STX10: variants seen among roughly 807,000 people sequenced by gnomAD.
The protein encoded by STX10 is syntaxin 10.
A neutral mutation model predicts 34.1 loss-of-function variants in STX10; 35 were observed. The ratio of observed to expected loss-of-function variants is 1.03; its 90% CI spans 0.78 to 1.36. STX10 has a LOEUF of 1.36. Ranked by LOEUF, STX10 falls within the 40% of genes most tolerant of loss-of-function variation. STX10 has a pLI of 0.00. For missense variants in STX10, 361 were observed against 335.5 expected (o/e 1.08, Z -0.59); for synonymous variants, 155 against 132.9 (o/e 1.17, Z -1.15).
chr19:13,149,665 A>C (rs2020005630), intron 2 of STX10, 63 bp downstream of exon 2: 1 of 1,607,686 alleles, frequency 6.2e-7, no homozygotes. Context: ...GCCCTACCCG[A>C]AGGTGGGCTG....
chr19:13,144,629 G>T lies in STX10; in HGVS notation c.621C>A (p.Ser207=). 6.2e-7 allele frequency: 1 copy of T among 1,614,146 alleles called. No homozygotes were observed. The highest frequency in any genetic ancestry group is 1.1e-5 in the South Asian group (1 of 91,080). ...ACTTCCTGAGGACCCCGTCCATGCG[G>T]GACTGGGTGTGGTCCATCTCTTGGG... ...AFAQEMDHTQ[S]RMDGVLRKLA... Residue 207 remains serine, a synonymous_variant, in exon 7 of 8, where the codon TCC becomes TCA. Coordinates refer to ENST00000587230, the MANE Select transcript of STX10 (RefSeq NM_003765.3).
rs1287026332 is a variant in STX10, at chr19:13,150,242, C to T, written c.-69G>A. On this transcript the variant is annotated 5_prime_UTR_variant, in exon 1 of 8. Coordinates refer to ENST00000587230, the MANE Select transcript of STX10 (RefSeq NM_003765.3). The surrounding 1 kb of genome is among the most constrained non-coding windows in gnomAD (Gnocchi z 4.0). ...GTTCGCGGGCTGGTTCCCTCCCAAC[C>T]GAGGAGAACGCGCCGCCACCCCCGC... 2 of 686,404 alleles carry T rather than the reference C, an allele frequency of 2.9e-6. No individual in the cohort carries two copies. Among genetic ancestry groups the T allele is most frequent in the African/African-American group, 3.7e-5 (2 of 54,572 alleles). The allele number at this position is 686,404 out of a possible 1,614,324, so 42.5% of individuals were successfully genotyped here.
At chr19:13,147,487 C>T (rs113841181) in intron 4 of STX10, among the ~76,000 whole-genome samples, 103 of 151,520 alleles carry the variant, frequency 6.8e-4, no homozygotes, top group Non-Finnish European at 1.1e-3. Context: ...GGAAGCTGGC[C>T]GGGCGCGGTG....
intron 4 of STX10, among the ~76,000 whole-genome samples, chr19:13,147,081 C>CACAT (rs2019916559): frequency 8.9e-6 from 1 of 112,098 alleles, no homozygotes; most frequent in Non-Finnish European, 1.6e-5. Flanking sequence ...AACACAGAAA[C>CACAT]ACACACACAC....
In STX10 at chr19:13,144,490, G is replaced by C. The variant is rs1359051095; in HGVS notation, c.674-4C>G. The C allele has an allele frequency of 6.2e-7, 1 of 1,613,658 alleles. No individual in the cohort carries two copies. Among genetic ancestry groups the C allele is most frequent in the Non-Finnish European group, 8.5e-7 (1 of 1,179,892 alleles). ...ATGGCACACCACTGTCGGCGGTCTG[G>C]GAACGAGAAGGTCAGGGGTCACGGG... is the stretch of plus-strand genomic sequence containing the variant. On this transcript the variant is annotated splice_polypyrimidine_tract_variant and splice_region_variant and intron_variant, in intron 7 of 7. Transcript: ENST00000587230.
rs926053847 is a variant in STX10 at position 13,144,598 on chromosome 19, T to A, written c.652A>T (p.Lys218Ter). The stretch of plus-strand genomic sequence containing the variant: ...TCACCACTCGTCATGTGGGATACTT[T>A]GGCCAACTTCCTGAGGACCCCGTCC... ...RMDGVLRKLAKVSHMTSDRRQ... is the reference protein window; with the variant it reads ...RMDGVLRKLA The change falls in exon 7 of 8, where the codon AAA becomes TAA. Residue 218 changes from lysine (K) to a stop codon, truncating the protein, a stop_gained. Coordinates refer to ENST00000587230, the MANE Select transcript of STX10 (RefSeq NM_003765.3). LOFTEE classifies it low-confidence loss of function (END_TRUNC). 4 of 1,614,138 alleles carry A rather than the reference T, an allele frequency of 2.5e-6. No individual in the cohort carries two copies. Among genetic ancestry groups the A allele is most frequent in the Non-Finnish European group, 2.5e-6 (3 of 1,180,018 alleles).
At chr19:13,145,468 G>T in intron 4 of STX10, 73 bp from the exon 5 acceptor site, 2 of 1,309,292 alleles carry the variant, frequency 1.5e-6, no homozygotes, top group Non-Finnish European at 2.1e-6. Context: ...AAATCCCCAC[G>T]GTGGTAAGTC....
At chr19:13,148,149 A>C (rs1261199189) in intron 4 of STX10, among the ~76,000 whole-genome samples, 1 of 151,356 alleles carries the variant, frequency 6.6e-6, no homozygotes, top group Admixed American at 6.6e-5. Context: ...TGAGGCAGGC[A>C]GATCAGTTGA....
In STX10 at chr19:13,144,261, G is replaced by C; in HGVS notation, c.*149C>G. On this transcript the variant is annotated 3_prime_UTR_variant, in exon 8 of 8. Coordinates refer to ENST00000587230, the MANE Select transcript of STX10 (RefSeq NM_003765.3). ...TCCTGAAGGGTCCCACTGGCTCTAG[G>C]GGAGAGCCATGGGGACAGCTCCCCA... 2 of 1,084,796 alleles carry C rather than the reference G, an allele frequency of 1.8e-6. No homozygotes were observed. Among genetic ancestry groups the C allele is most frequent in the African/African-American group, 1.6e-5 (1 of 63,006 alleles). The allele number at this position is 1,084,796 out of a possible 1,614,324, so 67.2% of individuals were successfully genotyped here.
In STX10 at chr19:13,145,319, C is replaced by T. The variant is rs749210449; in HGVS notation, c.440G>A (p.Arg147His). 1.4e-5 allele frequency: 22 copies of T among 1,611,612 alleles called. No individual in the cohort carries two copies. Among genetic ancestry groups the T allele is most frequent in the Non-Finnish European group, 1.6e-5 (19 of 1,180,002 alleles). ...LDASAVSATS[R>H]YIEEQQATQQ... is the part of the protein sequence containing the mutation. ...TGTGGCCTGCTGCTCCTCGATGTAG[C>T]GAGATGTGGCCGAGACTGCGCTGGC... The change falls in exon 5 of 8, where the codon CGC becomes CAC. Residue 147 changes from arginine to histidine, a missense_variant. Coordinates refer to ENST00000587230, the MANE Select transcript of STX10 (RefSeq NM_003765.3).
At chr19:13,148,503 C>CA (rs35867694) in intron 4 of STX10, among the ~76,000 whole-genome samples, 6,460 of 75,236 alleles carry the variant, frequency 0.086, 236 homozygotes, top group South Asian at 0.1. Flanking sequence ...AACTCCATCT[C>CA]AAAAAAAAAA....
At position 13,150,204 on chromosome 19, in the gene STX10, C is replaced by G. The variant is rs370766070; in HGVS notation, c.-31G>C. The stretch of plus-strand genomic sequence containing the variant: ...TCCCTTCCCCCCCAGGCCGAACCCC[C>G]CTCCCGGCCTGGGTTCGCGGGCTGG... On this transcript the variant is annotated 5_prime_UTR_variant, in exon 1 of 8. Coordinates refer to ENST00000587230, the MANE Select transcript of STX10 (RefSeq NM_003765.3). This position sits in a 1 kb window ranked among gnomAD's most constrained non-coding sequence, Gnocchi z 4.0. The G allele has an allele frequency of 1.4e-5, 12 of 885,878 alleles. No homozygotes were observed. Among genetic ancestry groups the G allele is most frequent in the African/African-American group, 1.2e-4 (7 of 59,688 alleles). The allele number at this position is 885,878 out of a possible 1,614,324, so 54.9% of individuals were successfully genotyped here.
rs1388619327 is a variant in STX10, at chr19:13,149,814, C to A, written c.119G>T (p.Arg40Leu). 6.2e-7 allele frequency: 1 copy of A among 1,613,776 alleles called. No individual in the cohort carries two copies. ...ELLQESAAVG[R>L]EELDWTTNEL... is the part of the protein sequence containing the mutation. ...ATTGGTCGTCCAGTCCAGCTCCTCG[C>A]GTCCGACCGCCGCGCTTTCCTGCAG... is the stretch of plus-strand genomic sequence containing the variant. Residue 40 changes from arginine to leucine, a missense_variant, in exon 2 of 8, where the codon CGC becomes CTC. By Grantham distance (102) the Arg-to-Leu change is moderately radical. Transcript: ENST00000587230.
chr19:13,149,516 T>A lies in STX10; in HGVS notation c.283A>T (p.Met95Leu). ...LQERKVFVER[M>L]REAVQEMKDH... is the part of the protein sequence containing the mutation. The stretch of plus-strand genomic sequence containing the variant: ...TTCCTGACCTGGACTGCCTCTCGCA[T>A]CCGCTCCACGAACACCTTTCTCTCC... The change falls in exon 3 of 8, where the codon ATG becomes TTG. Residue 95 changes from methionine to leucine, a missense_variant. Coordinates refer to ENST00000587230, the MANE Select transcript of STX10 (RefSeq NM_003765.3). 1 of 1,610,916 alleles carries A rather than the reference T, an allele frequency of 6.2e-7. No homozygotes were observed. The highest frequency in any genetic ancestry group is 8.5e-7 in the Non-Finnish European group (1 of 1,178,374).
At chr19:13,146,025 C>CA (rs71168666) in intron 4 of STX10, among the ~76,000 whole-genome samples, 5,649 of 75,738 alleles carry the variant, frequency 0.075, 203 homozygotes, top group South Asian at 0.096. Flanking sequence ...GACCTTCTCT[C>CA]AAAAAAAAAA....
At position 13,144,238 on chromosome 19, in the gene STX10, C is replaced by A; in HGVS notation, c.*172G>T. On this transcript the variant is annotated 3_prime_UTR_variant, in exon 8 of 8. Transcript: ENST00000587230. ...GTGGTGGTGGTTCCAGCCCAGGGTC[C>A]TGAAGGGTCCCACTGGCTCTAGGGG... 2.2e-6 allele frequency: 2 copies of A among 890,988 alleles called. No individual in the cohort carries two copies. The highest frequency in any genetic ancestry group is 3.3e-6 in the Non-Finnish European group (2 of 597,238). The allele number at this position is 890,988 out of a possible 1,614,324, so 55.2% of individuals were successfully genotyped here.
At chr19:13,145,066 G>T (rs2019866317) in intron 5 of STX10, among the ~76,000 whole-genome samples, 196 bp from the exon 6 acceptor site, 1 of 152,114 alleles carries the variant, frequency 6.6e-6, no homozygotes, top group African/African-American at 2.4e-5. Context: ...AGGCATTGTG[G>T]TGGGCGCCTG....
intron 1 of STX10, 74 bp from the exon 2 acceptor site, chr19:13,149,971 C>A: frequency 6.6e-7 from 1 of 1,510,938 alleles, no homozygotes; most frequent in South Asian, 1.2e-5. Flanking sequence ...CGACTGCAAA[C>A]CCAAACGCAT....
chr19:13,148,953 G>C, intron 4 of STX10, 76 bp downstream of exon 4: 1 of 1,272,344 alleles, frequency 7.9e-7, no homozygotes, highest in Non-Finnish European at 1.1e-6. Flanking sequence ...AAAAGGGACA[G>C]GTGAACACGC....
Sources: allele counts gnomAD v4.1 joint callset (sites outside exome capture counted in the v4.1 genomes callset), GRCh38; gene constraint gnomAD v4.1.1; non-coding constraint Gnocchi (gnomAD v3.1); transcripts MANE v1.5; gene names NCBI Gene and HGNC (gene_info 2026-07-23, HGNC 2026-07-21).